The following ANKS1B variants were observed in gnomAD, a reference collection of about 807,000 sequenced individuals.
The protein encoded by ANKS1B is ankyrin repeat and sterile alpha motif domain-containing protein 1B.
Under a neutral mutation model 148.3 loss-of-function variants are expected in ANKS1B, and 36 were observed. That is an observed-to-expected ratio of 0.24 (90% confidence interval 0.19 to 0.32). The LOEUF (loss-of-function observed/expected upper bound fraction) is 0.32, where lower values mean the gene tolerates loss of function less well. Ranked by LOEUF, ANKS1B falls within the 10% of genes least tolerant of loss-of-function variation. The pLI is 1.00. For synonymous variants in ANKS1B, 542 were observed against 560.8 expected, an observed-to-expected ratio of 0.97 and a Z score of 0.47; for missense variants, 1,157 against 1,542.6, an observed-to-expected ratio of 0.75 and a Z score of 4.19.
intron 15 of ANKS1B, among the ~76,000 whole-genome samples, chr12:99,132,072 C>G (rs927398376): frequency 1.3e-5 from 2 of 152,210 alleles, no homozygotes; most frequent in African/African-American, 4.8e-5. Flanking sequence ...CAAGACTCCC[C>G]CTCCTTCCAG....
chr12:99,777,873 C>A (rs1446410918), intron 6 of ANKS1B, among the ~76,000 whole-genome samples: 2 of 151,792 alleles, frequency 1.3e-5, no homozygotes, highest in African/African-American at 4.8e-5. Flanking sequence ...CATGAGCCAT[C>A]GCGCCTGGCC....
chr12:99,633,769 A>G (rs908390796), intron 9 of ANKS1B, among the ~76,000 whole-genome samples: 1 of 152,182 alleles, frequency 6.6e-6, no homozygotes, highest in Non-Finnish European at 1.5e-5. Flanking sequence ...GAATCTACAA[A>G]GAACTCAAAC....
At chr12:99,166,039 G>A (rs1329085350) in intron 14 of ANKS1B, among the ~76,000 whole-genome samples, 6 of 151,560 alleles carry the variant, frequency 4.0e-5, no homozygotes, top group Non-Finnish European at 4.4e-5. Flanking sequence ...AATCCTCTCC[G>A]CAGATGCAAG....
intron 11 of ANKS1B, among the ~76,000 whole-genome samples, chr12:99,431,322 G>A (rs1481081579): frequency 6.6e-6 from 1 of 152,030 alleles, no homozygotes; most frequent in African/African-American, 2.4e-5. Flanking sequence ...ATACCACTCT[G>A]TAACATCATA....
chr12:98,883,133 G>A (rs2099718100), intron 17 of ANKS1B, among the ~76,000 whole-genome samples: 1 of 152,076 alleles, frequency 6.6e-6, no homozygotes, highest in Non-Finnish European at 1.5e-5. Context: ...TTCACTGCAA[G>A]GGATCCCAAA....
chr12:99,596,515 A>G (rs1297772393), intron 9 of ANKS1B, among the ~76,000 whole-genome samples: 1 of 151,922 alleles, frequency 6.6e-6, no homozygotes, highest in Non-Finnish European at 1.5e-5. Context: ...ATATGGTCAT[A>G]TTTTGAGGTT....
At chr12:98,848,867 T>TC (rs2099503461) in intron 17 of ANKS1B, among the ~76,000 whole-genome samples, 1 of 151,242 alleles carries the variant, frequency 6.6e-6, no homozygotes, top group Non-Finnish European at 1.5e-5. Flanking sequence ...GCCTCCCAAG[T>TC]AGCTGGGATT....
intron 8 of ANKS1B, among the ~76,000 whole-genome samples, chr12:99,748,375 G>A (rs1267608553): frequency 6.6e-6 from 1 of 151,484 alleles, no homozygotes; most frequent in Non-Finnish European, 1.5e-5. Context: ...CATACTTCAA[G>A]TAAATCTGCC....
At chr12:99,434,800 A>G (rs992649435) in intron 11 of ANKS1B, among the ~76,000 whole-genome samples, 3 of 152,048 alleles carry the variant, frequency 2.0e-5, no homozygotes, top group African/African-American at 7.2e-5. Flanking sequence ...CAGGCTGTCT[A>G]GACATGCTCT....
chr12:99,419,341 G>C (rs949069309), intron 11 of ANKS1B, among the ~76,000 whole-genome samples: 1 of 152,130 alleles, frequency 6.6e-6, no homozygotes, highest in Non-Finnish European at 1.5e-5. Flanking sequence ...GTGGTAGTTT[G>C]TTTTAATAAT....
chr12:99,558,225 C>T (rs371592755), intron 9 of ANKS1B, among the ~76,000 whole-genome samples: 7 of 151,960 alleles, frequency 4.6e-5, no homozygotes, highest in South Asian at 4.2e-4. Context: ...CATTGGTGAC[C>T]GTAGCGGTGG....
chr12:99,326,528 T>C (rs148121913), intron 12 of ANKS1B, among the ~76,000 whole-genome samples: 355 of 152,180 alleles, frequency 2.3e-3, no homozygotes, highest in African/African-American at 8.0e-3. Context: ...ATCTTAAAAA[T>C]TCTTTAAGGA....
chr12:99,156,489 T>C (rs1026403802), intron 14 of ANKS1B, among the ~76,000 whole-genome samples: 1 of 152,218 alleles, frequency 6.6e-6, no homozygotes, highest in African/African-American at 2.4e-5. Flanking sequence ...ACTCCTCTGA[T>C]GACATTTTGG....
chr12:99,256,491 C>T (rs768803548), intron 12 of ANKS1B, among the ~76,000 whole-genome samples: 8 of 152,026 alleles, frequency 5.3e-5, no homozygotes, highest in Admixed American at 3.3e-4. Flanking sequence ...ACTCACAATT[C>T]GTTCCTCAGA....
chr12:99,008,734 A>G (rs914492909), intron 17 of ANKS1B, among the ~76,000 whole-genome samples: 2 of 152,190 alleles, frequency 1.3e-5, no homozygotes, highest in African/African-American at 2.4e-5. Flanking sequence ...AAAAGAAAAA[A>G]ATTTTAAAAA....
rs535336835 is a variant in ANKS1B at position 99,442,293 on chromosome 12, T to C, written c.1575+1380A>G. Reference sequence around the variant, plus strand: ...TGATTCTCTGCCTCAGCCTCCCAAGTAGCTAGGATTACAACCGTGTGCCAC... The same window carrying C: ...TGATTCTCTGCCTCAGCCTCCCAAGCAGCTAGGATTACAACCGTGTGCCAC... On this transcript the variant is annotated intron_variant, in intron 11 of 26. Transcript: ENST00000683438. 2.3e-3 allele frequency among the ~76,000 whole-genome samples: 345 copies of C among 151,910 alleles called. 2 individuals carry two copies. The highest frequency in any genetic ancestry group is 7.8e-3 in the African/African-American group (325 of 41,484).
At chr12:99,714,877 G>C (rs2057095264) in intron 8 of ANKS1B, among the ~76,000 whole-genome samples, 1 of 151,976 alleles carries the variant, frequency 6.6e-6, no homozygotes, top group Non-Finnish European at 1.5e-5. Flanking sequence ...CCAGCACTTT[G>C]GGAAGCCAAG....
chr12:99,262,853 G>C (rs1033782800), intron 12 of ANKS1B, among the ~76,000 whole-genome samples: 3 of 151,854 alleles, frequency 2.0e-5, no homozygotes, highest in African/African-American at 7.3e-5. Context: ...GTCTTTTATA[G>C]TGACTAGGGG....
At chr12:99,772,419 A>T (rs1204362557) in intron 8 of ANKS1B, among the ~76,000 whole-genome samples, 1 of 152,134 alleles carries the variant, frequency 6.6e-6, no homozygotes, top group Non-Finnish European at 1.5e-5. Context: ...TAAGATTCTG[A>T]GCTTATCAAA....
Sources: allele counts gnomAD v4.1 joint callset (sites outside exome capture counted in the v4.1 genomes callset), GRCh38; gene constraint gnomAD v4.1.1; transcripts MANE v1.5; gene names NCBI Gene and HGNC (gene_info 2026-07-23, HGNC 2026-07-21).